PACRG: variants seen among roughly 807,000 people sequenced by gnomAD.
The protein encoded by PACRG is parkin coregulated, also known as parkin coregulated gene protein.
In PACRG, 29 loss-of-function variants were observed where a neutral mutation model predicts 29.7. The ratio of observed to expected loss-of-function variants is 0.98; its 90% confidence interval spans 0.73 to 1.33. The LOEUF is 1.33. Among genes scored for constraint, PACRG ranks in the 40% most tolerant of loss-of-function variants. The pLI is 0.00. For synonymous variants in PACRG, 116 were observed against 118.7 expected, an observed-to-expected ratio of 0.98 and a Z score of 0.15; for missense variants, 279 against 316.2, an observed-to-expected ratio of 0.88 and a Z score of 0.89.
At chr6:163,188,630 T>C (rs1382898836) in intron 4 of PACRG, among the ~76,000 whole-genome samples, 1 of 152,250 alleles carries the variant, frequency 6.6e-6, no homozygotes, top group African/African-American at 2.4e-5. Flanking sequence ...TCTACAGTTC[T>C]AAAGCGTGGC....
chr6:163,133,010 C>T (rs1280032225), intron 4 of PACRG, among the ~76,000 whole-genome samples: 1 of 152,126 alleles, frequency 6.6e-6, no homozygotes, highest in Non-Finnish European at 1.5e-5. Context: ...CTAGACTATA[C>T]CAAAGTAACA....
At chr6:162,989,862 A>G (rs948554620) in intron 2 of PACRG, among the ~76,000 whole-genome samples, 7 of 151,550 alleles carry the variant, frequency 4.6e-5, no homozygotes, top group Admixed American at 1.3e-4. Flanking sequence ...AGCCTTAGGT[A>G]TATCTCCCAA....
Position 162,799,055 on chromosome 6 carries a change from T to A in PACRG, c.157-15092T>A, listed in dbSNP as rs1041634. ...TTGGTGAATTGCGAGTGTCTGGCTG[T>A]TACTGGGTAGATAAATGGCCAAGTC... is the stretch of plus-strand genomic sequence containing the variant. On this transcript the variant is annotated intron_variant, in intron 1 of 4. Coordinates refer to ENST00000366888, the MANE Select transcript of PACRG (RefSeq NM_001080379.2). 9.9e-5 allele frequency among the ~76,000 whole-genome samples: 15 copies of A among 152,032 alleles called. No individual in the cohort carries two copies. The East Asian group carries it at 1.7e-3, about 18-fold the overall frequency.
At chr6:162,942,369 T>G (rs982301816) in intron 2 of PACRG, among the ~76,000 whole-genome samples, 1 of 152,190 alleles carries the variant, frequency 6.6e-6, no homozygotes, top group African/African-American at 2.4e-5. Context: ...ATTAGACCTT[T>G]CTTTCTGTTT....
At chr6:163,212,103 A>T (rs1357528326) in intron 4 of PACRG, among the ~76,000 whole-genome samples, 1 of 152,176 alleles carries the variant, frequency 6.6e-6, no homozygotes, top group Non-Finnish European at 1.5e-5. Flanking sequence ...GGTTACATAC[A>T]GGGGTAGATC....
intron 2 of PACRG, among the ~76,000 whole-genome samples, chr6:163,034,031 G>C (rs1447598114): frequency 4.6e-5 from 7 of 152,172 alleles, no homozygotes; most frequent in African/African-American, 1.4e-4. Flanking sequence ...TTACAGAGGA[G>C]ATAAACAGTG....
chr6:162,969,046 C>CAAAAAAAAA (rs35665491), intron 2 of PACRG, among the ~76,000 whole-genome samples: 5,215 of 72,178 alleles, frequency 0.072, 684 homozygotes, highest in East Asian at 0.16. Context: ...GACTCTATCA[C>CAAAAAAAAA]AAAAAAAAAA....
At chr6:163,194,862 C>T (rs1040468034) in intron 4 of PACRG, among the ~76,000 whole-genome samples, 1 of 152,008 alleles carries the variant, frequency 6.6e-6, no homozygotes, top group Non-Finnish European at 1.5e-5. Flanking sequence ...TGCTCTTCTC[C>T]CTTCCCACCT....
chr6:163,011,189 T>C (rs1805579679), intron 2 of PACRG, among the ~76,000 whole-genome samples: 1 of 152,186 alleles, frequency 6.6e-6, no homozygotes, highest in South Asian at 2.1e-4. Flanking sequence ...GCTGCAGTCA[T>C]GCGACACTTA....
chr6:162,928,144 T>C (rs1348615868), intron 2 of PACRG, among the ~76,000 whole-genome samples: 1 of 152,022 alleles, frequency 6.6e-6, no homozygotes, highest in Admixed American at 6.6e-5. Context: ...GTAAATCCAT[T>C]TGGGCTTTTT....
chr6:163,153,848 T>C (rs1218487650), intron 4 of PACRG, among the ~76,000 whole-genome samples: 2 of 152,160 alleles, frequency 1.3e-5, no homozygotes, highest in South Asian at 2.1e-4. Context: ...GAGTGTAAAA[T>C]GCATGAGTCC....
intron 1 of PACRG, among the ~76,000 whole-genome samples, chr6:162,810,009 A>G (rs540765157): frequency 6.6e-6 from 1 of 152,256 alleles, no homozygotes; most frequent in East Asian, 1.9e-4. Context: ...GACTGCCTAG[A>G]GAGTCAGGAA....
At chr6:162,874,232 C>T (rs1156983586) in intron 2 of PACRG, among the ~76,000 whole-genome samples, 3 of 151,004 alleles carry the variant, frequency 2.0e-5, no homozygotes, top group African/African-American at 7.3e-5. Flanking sequence ...ACTTTACTTC[C>T]TCCCCTCCAA....
intron 2 of PACRG, among the ~76,000 whole-genome samples, chr6:162,995,571 G>T (rs537841372): frequency 2.0e-5 from 3 of 152,200 alleles, no homozygotes; most frequent in Non-Finnish European, 4.4e-5. Context: ...CGCTTCCCAC[G>T]TGAGGCAATG....
intron 1 of PACRG, among the ~76,000 whole-genome samples, chr6:162,740,327 T>C (rs1236057658): frequency 6.6e-6 from 1 of 151,994 alleles, no homozygotes; most frequent in Non-Finnish European, 1.5e-5. Flanking sequence ...TTTTTTTTTT[T>C]TGAGACGGAG....
At chr6:162,745,342 C>T (rs1163668534) in intron 1 of PACRG, among the ~76,000 whole-genome samples, 30 of 151,486 alleles carry the variant, frequency 2.0e-4, no homozygotes, top group Admixed American at 1.3e-4. Flanking sequence ...AATGAGAACA[C>T]GTGGACACAG....
intron 4 of PACRG, among the ~76,000 whole-genome samples, chr6:163,254,432 A>G (rs1243242560): frequency 6.6e-6 from 1 of 152,196 alleles, no homozygotes; most frequent in Non-Finnish European, 1.5e-5. Context: ...ACCCGAAAAC[A>G]ATCCCAACAA....
chr6:163,175,144 T>C (rs958861475), intron 4 of PACRG, among the ~76,000 whole-genome samples: 5 of 152,218 alleles, frequency 3.3e-5, no homozygotes, highest in African/African-American at 1.2e-4. Context: ...TGGTTGCTGA[T>C]ATCTGTTTGA....
chr6:162,931,893 A>G (rs1316518364), intron 2 of PACRG, among the ~76,000 whole-genome samples: 1 of 152,004 alleles, frequency 6.6e-6, no homozygotes, highest in Non-Finnish European at 1.5e-5. Context: ...ATGTAGAGCC[A>G]TTTCACTTCT....
Sources: allele counts gnomAD v4.1 joint callset (sites outside exome capture counted in the v4.1 genomes callset), GRCh38; gene constraint gnomAD v4.1.1; transcripts MANE v1.5; gene names NCBI Gene and HGNC (gene_info 2026-07-23, HGNC 2026-07-21).